Variants in BCR observed in about 807,000 individuals in gnomAD.
BCR encodes the protein BCR activator of RhoGEF and GTPase, also known as breakpoint cluster region protein.
Under a neutral mutation model 138.6 loss-of-function variants are expected in BCR, and 58 were observed. The ratio of observed to expected loss-of-function variants is 0.42; its 90% CI spans 0.34 to 0.52. The LOEUF is 0.52. BCR is among the 20% of genes least tolerant of loss of function. The pLI, the probability that BCR is intolerant of heterozygous loss-of-function variation, is 0.06. For missense variants in BCR, 1,599 were observed against 1,727.2 expected (o/e 0.93, Z 1.32); for synonymous variants, 786 against 730.1 (o/e 1.08, Z -1.23).
In BCR at chr22:23,261,632, A is replaced by G. The variant is rs1047856488; in HGVS notation, c.1752+92A>G. 3.6e-5 allele frequency: 50 copies of G among 1,403,246 alleles called. No homozygotes were observed. The Admixed American group carries it at 6.4e-4, about 18-fold the overall frequency. 86.9% of individuals were successfully genotyped at this position (1,403,246 alleles called of 1,614,324 possible). A position where few individuals can be genotyped will look rare whatever the true frequency, so the allele number is the denominator to read the frequency against. On this transcript the variant is annotated intron_variant, in intron 4 of 22. Transcript: ENST00000305877. ...TTTTTAGTAGAGACAGGGTTTTGCT[A>G]TGTTGGCCAGGCTGGTCTCAAACTC...
At chr22:23,252,110 C>T (rs1197622006) in intron 1 of BCR, among the ~76,000 whole-genome samples, 2 of 152,196 alleles carry the variant, frequency 1.3e-5, no homozygotes, top group Non-Finnish European at 2.9e-5. Context: ...GCCACTCTGT[C>T]CTCCTGCGGG....
At chr22:23,204,702 C>G (rs116915175) in intron 1 of BCR, among the ~76,000 whole-genome samples, 1,685 of 152,328 alleles carry the variant, frequency 0.011, 17 homozygotes, top group Non-Finnish European at 0.018. Flanking sequence ...CTACAGGTCA[C>G]CACCAGGACT....
At chr22:23,226,319 AGAGAGAGAGTGT>A (rs2072892732) in intron 1 of BCR, among the ~76,000 whole-genome samples, 2 of 123,316 alleles carry the variant, frequency 1.6e-5, no homozygotes, top group African/African-American at 6.7e-5. Context: ...AGAGAGAGAG[AGAGAGAGAGTGT>A]GTGTGTGTGT....
At chr22:23,280,836 A>G (rs1183183153) in intron 8 of BCR, among the ~76,000 whole-genome samples, 1 of 152,198 alleles carries the variant, frequency 6.6e-6, no homozygotes, top group Non-Finnish European at 1.5e-5. Context: ...TGTCCTGCCA[A>G]CTGGGGCCTG....
intron 1 of BCR, among the ~76,000 whole-genome samples, chr22:23,237,159 T>C (rs1258102918): frequency 6.6e-6 from 1 of 152,202 alleles, no homozygotes; most frequent in Non-Finnish European, 1.5e-5. Flanking sequence ...GAGTTGAATC[T>C]CTGCAGAACT....
chr22:23,234,329 G>T (rs1251803045), intron 1 of BCR, among the ~76,000 whole-genome samples: 1 of 152,200 alleles, frequency 6.6e-6, no homozygotes, highest in African/African-American at 2.4e-5. Context: ...TGTTTATTTA[G>T]ATCTGGGCCC....
chr22:23,207,031 G>C (rs8142547), intron 1 of BCR, among the ~76,000 whole-genome samples: 10,161 of 131,622 alleles, frequency 0.077, 1,162 homozygotes, highest in African/African-American at 0.26. Flanking sequence ...ATTCAACATT[G>C]AACTATCCAT....
intron 17 of BCR, chr22:23,310,053 T>C: frequency 4.3e-6 from 2 of 469,294 alleles, no homozygotes; most frequent in East Asian, 4.3e-5. Context: ...CATTGCAAGC[T>C]CCTATATCTA....
chr22:23,273,953 GTGACCCTGCAAGCACCA>G (rs2073540934), intron 8 of BCR, among the ~76,000 whole-genome samples, 179 bp downstream of exon 8: 1 of 152,198 alleles, frequency 6.6e-6, no homozygotes, highest in Non-Finnish European at 1.5e-5. Flanking sequence ...AGTCTCAGGG[GTGACCCTGCAAGCACCA>G]TGCCCTCCAG....
rs148370562 is a variant in BCR at position 23,181,457 on chromosome 22, G to T, written c.497G>T (p.Gly166Val). The T allele has an allele frequency of 1.2e-5, 19 of 1,607,162 alleles. No homozygotes were observed. In the East Asian group the frequency reaches 4.3e-4, roughly 36 times the overall value. The change falls in exon 1 of 23, where the codon GGC (glycine) becomes GTC (valine). Residue 166 changes from glycine (G) to valine (V), a missense_variant. Gly to Val is a moderately radical substitution (Grantham distance 109). Coordinates refer to ENST00000305877, the MANE Select transcript of BCR (RefSeq NM_004327.4). ...TTCGAGCGGATCCGCAAGGGCCATG[G>T]CCAGCCCGGGGCGGACGCCGAGAAG... is the stretch of plus-strand genomic sequence containing the variant. Reference protein sequence around the residue: ...SNFERIRKGHGQPGADAEKPF... With the variant: ...SNFERIRKGHVQPGADAEKPF...
chr22:23,253,269 G>A (rs1015238549), intron 1 of BCR, among the ~76,000 whole-genome samples: 4 of 152,170 alleles, frequency 2.6e-5, no homozygotes, highest in African/African-American at 9.7e-5. Context: ...CCCTCATTGT[G>A]TAGGCATGAT....
At chr22:23,292,403 A>T in intron 14 of BCR, 138 bp from the exon 15 acceptor site, 1 of 670,982 alleles carries the variant, frequency 1.5e-6, no homozygotes, top group Middle Eastern at 4.3e-4. Flanking sequence ...TTAGGTGTTT[A>T]ATTTTTAAAA....
At chr22:23,281,168 C>T (rs2073639461) in intron 8 of BCR, among the ~76,000 whole-genome samples, 1 of 152,240 alleles carries the variant, frequency 6.6e-6, no homozygotes, top group South Asian at 2.1e-4. Flanking sequence ...CCTTTTCATA[C>T]ACAGACTCCC....
chr22:23,230,744 T>G (rs1040889861), intron 1 of BCR, among the ~76,000 whole-genome samples: 1 of 152,242 alleles, frequency 6.6e-6, no homozygotes, highest in Non-Finnish European at 1.5e-5. Flanking sequence ...TTCAGGCCAC[T>G]GGTGCATAAA....
At position 23,271,217 on chromosome 22, in the gene BCR, C is replaced by T. The variant is rs141740220; in HGVS notation, c.1861-315C>T. On this transcript the variant is annotated intron_variant, in intron 5 of 22. Transcript: ENST00000305877. ...CAGGAAGGCAGACGTGCTCCTGTACCTATAGGTAGAGGCCAGGGCAGCTGC... is the reference window on the plus strand; with the variant it reads ...CAGGAAGGCAGACGTGCTCCTGTACTTATAGGTAGAGGCCAGGGCAGCTGC... Among the ~76,000 whole-genome samples, 3 of 152,328 alleles carry T rather than the reference C, an allele frequency of 2.0e-5. No homozygotes were observed. In the East Asian group the frequency reaches 5.8e-4, roughly 29 times the overall value.
intron 2 of BCR, among the ~76,000 whole-genome samples, chr22:23,258,955 A>T (rs1167109020): frequency 1.3e-5 from 2 of 150,720 alleles, no homozygotes; most frequent in Non-Finnish European, 3.0e-5. Flanking sequence ...CCCCGCACCC[A>T]CACACTTTCC....
Position 23,301,667 on chromosome 22 carries a change from C to T in BCR, c.3012+6512C>T, listed in dbSNP as rs534775815. Among the ~76,000 whole-genome samples the T allele has an allele frequency of 2.0e-5, 3 of 152,388 alleles. No homozygotes were observed. In the South Asian group the frequency reaches 6.2e-4, roughly 32 times the overall value. ...CAGTCAATCTGGGCCAAAGCCTGCCCTGGCTCTTGGCACATTTGCCACATC... is the reference window on the plus strand; with the variant it reads ...CAGTCAATCTGGGCCAAAGCCTGCCTTGGCTCTTGGCACATTTGCCACATC... On this transcript the variant is annotated intron_variant, in intron 16 of 22. Transcript: ENST00000305877.
At chr22:23,196,235 C>G (rs1346214160) in intron 1 of BCR, among the ~76,000 whole-genome samples, 1 of 152,126 alleles carries the variant, frequency 6.6e-6, no homozygotes, top group Non-Finnish European at 1.5e-5. Flanking sequence ...GCCAGCGTCC[C>G]TCTGGATGTG....
In BCR at chr22:23,210,641, A is replaced by G. The variant is rs564621775; in HGVS notation, c.1279+28402A>G. On this transcript the variant is annotated intron_variant, in intron 1 of 22. Transcript: ENST00000305877. ...ACTTGCATTACCCCTTGTTCCTTGT[A>G]GGCATTTCTCCTACTTGCAGCCCAC... Among the ~76,000 whole-genome samples, 13 of 152,290 alleles carry G rather than the reference A, an allele frequency of 8.5e-5. No homozygotes were observed. In the South Asian group the frequency reaches 2.7e-3, roughly 32 times the overall value.
Sources: gnomAD v4.1 joint callset for allele counts (sites outside exome capture counted in the v4.1 genomes callset) on GRCh38, gnomAD v4.1.1 for gene constraint, MANE v1.5 for transcripts, NCBI Gene and HGNC (gene_info 2026-07-23, HGNC 2026-07-21) for gene names.